Variants in SPMIP4 observed in about 807,000 individuals in gnomAD.
SPMIP4 encodes sperm microtubule inner protein 4.
the SPMIP4 span, chr7:25,142,154 T>C: frequency 3.2e-6 from 3 of 930,206 alleles, no homozygotes; most frequent in African/African-American, 5.0e-5. Context: ...ACTTGGTTGC[T>C]AAAACCCAGG....
At chr7:25,162,069 G>A in the SPMIP4 span, among the ~76,000 whole-genome samples, 4 of 151,528 alleles carry the variant, frequency 2.6e-5, no homozygotes, top group South Asian at 2.1e-4. Context: ...CCAGGAGTTC[G>A]AGACTAGCCT....
the SPMIP4 span, among the ~76,000 whole-genome samples, chr7:25,141,574 G>GAAAA: frequency 5.3e-5 from 5 of 94,932 alleles, no homozygotes; most frequent in East Asian, 3.4e-4. Context: ...CTGTCTCAAG[G>GAAAA]AAAAAAAAAA....
At chr7:25,171,349 T>C in the SPMIP4 span, among the ~76,000 whole-genome samples, 1 of 152,146 alleles carries the variant, frequency 6.6e-6, no homozygotes, top group East Asian at 1.9e-4. Context: ...AATAATACTA[T>C]TGAATAAATG....
At chr7:25,176,625 A>C in the SPMIP4 span, among the ~76,000 whole-genome samples, 4 of 152,374 alleles carry the variant, frequency 2.6e-5, no homozygotes, top group African/African-American at 9.6e-5. The surrounding 1 kb of genome is among the most constrained non-coding windows in gnomAD (Gnocchi z 4.4). Context: ...ACATTTAAAA[A>C]AATTGGAGAG....
chr7:25,130,210 C>G, the SPMIP4 span, among the ~76,000 whole-genome samples: 2 of 151,430 alleles, frequency 1.3e-5, no homozygotes, highest in South Asian at 2.1e-4. Flanking sequence ...CTGCACTGCG[C>G]TCCAACCTGG....
At chr7:25,126,358 A>G in the SPMIP4 span, among the ~76,000 whole-genome samples, 2 of 152,216 alleles carry the variant, frequency 1.3e-5, no homozygotes, top group East Asian at 3.9e-4. Flanking sequence ...TTGTATTTTT[A>G]GTAGAGATGG....
chr7:25,158,265 G>A, the SPMIP4 span, among the ~76,000 whole-genome samples: 3 of 151,294 alleles, frequency 2.0e-5, no homozygotes, highest in African/African-American at 7.3e-5. Flanking sequence ...CTACTTGGGA[G>A]GTGAAGGTGG....
At chr7:25,136,205 A>G in the SPMIP4 span, 5 of 1,614,226 alleles carry the variant, frequency 3.1e-6, no homozygotes, top group Non-Finnish European at 4.2e-6. The surrounding 1 kb of genome is among the most constrained non-coding windows in gnomAD (Gnocchi z 5.7). Flanking sequence ...TCCATATTCA[A>G]GAACAACTCT....
At chr7:25,136,171 A>G in the SPMIP4 span, 1 of 1,614,172 alleles carries the variant, frequency 6.2e-7, no homozygotes, top group Non-Finnish European at 8.5e-7. The surrounding 1 kb of genome is among the most constrained non-coding windows in gnomAD (Gnocchi z 5.7). Flanking sequence ...CCAACCAAGA[A>G]CAGGTCTTGT....
chr7:25,159,756 A>T, the SPMIP4 span, among the ~76,000 whole-genome samples: 1 of 152,228 alleles, frequency 6.6e-6, no homozygotes, highest in Admixed American at 6.5e-5. Context: ...AAACTAAAAA[A>T]AGCATGTTCT....
At chr7:25,125,885 C>G in the SPMIP4 span, 10 of 984,606 alleles carry the variant, frequency 1.0e-5, no homozygotes, top group Admixed American at 6.2e-5. Flanking sequence ...TACTCTGTTA[C>G]TTTCAGTCAC....
At chr7:25,131,918 C>T in the SPMIP4 span, among the ~76,000 whole-genome samples, 3 of 152,162 alleles carry the variant, frequency 2.0e-5, no homozygotes, top group Non-Finnish European at 2.9e-5. The surrounding 1 kb of genome is among the most constrained non-coding windows in gnomAD (Gnocchi z 4.2). Flanking sequence ...CTGCTGGATC[C>T]GGAGGGATGG....
the SPMIP4 span, among the ~76,000 whole-genome samples, chr7:25,174,210 TTCTC>T: frequency 6.6e-6 from 1 of 151,418 alleles, no homozygotes; most frequent in Non-Finnish European, 1.5e-5. The surrounding 1 kb of genome is among the most constrained non-coding windows in gnomAD (Gnocchi z 4.5). Context: ...CCGTCTCCCT[TTCTC>T]TCTCTCCCTC....
chr7:25,159,242 G>A, the SPMIP4 span, among the ~76,000 whole-genome samples: 1 of 152,206 alleles, frequency 6.6e-6, no homozygotes, highest in Non-Finnish European at 1.5e-5. Context: ...TACCATGTAT[G>A]CTTTCTACCT....
At chr7:25,154,912 T>A in the SPMIP4 span, 4 of 1,127,078 alleles carry the variant, frequency 3.5e-6, no homozygotes, top group East Asian at 5.0e-5. Flanking sequence ...AGTCACACAT[T>A]TGTGACTTGA....
At chr7:25,172,941 C>T in the SPMIP4 span, among the ~76,000 whole-genome samples, 1 of 134,368 alleles carries the variant, frequency 7.4e-6, no homozygotes, top group East Asian at 2.2e-4. This position sits in a 1 kb window ranked among gnomAD's most constrained non-coding sequence, Gnocchi z 4.2. Flanking sequence ...ACCCTGAGAA[C>T]AGTAGGATCC....
chr7:25,167,479 T>C, the SPMIP4 span, among the ~76,000 whole-genome samples: 12 of 152,252 alleles, frequency 7.9e-5, no homozygotes, highest in African/African-American at 2.9e-4. Flanking sequence ...TTTATGTTGA[T>C]GTCTGAATCT....
At chr7:25,172,335 G>C in the SPMIP4 span, among the ~76,000 whole-genome samples, 1 of 152,162 alleles carries the variant, frequency 6.6e-6, no homozygotes, top group Non-Finnish European at 1.5e-5. The surrounding 1 kb of genome is among the most constrained non-coding windows in gnomAD (Gnocchi z 4.2). Flanking sequence ...AGTAAGGGAA[G>C]AGGGAGATGA....
At chr7:25,158,054 C>A in the SPMIP4 span, among the ~76,000 whole-genome samples, 1 of 152,152 alleles carries the variant, frequency 6.6e-6, no homozygotes, top group African/African-American at 2.4e-5. Context: ...CTTGTACCAG[C>A]CTTTCCTTCC....
Sources: gnomAD v4.1 joint callset for allele counts (sites outside exome capture counted in the v4.1 genomes callset) on GRCh38, gnomAD v4.1.1 for gene constraint, Gnocchi (gnomAD v3.1) non-coding constraint, MANE v1.5 for transcripts, NCBI Gene and HGNC (gene_info 2026-07-23, HGNC 2026-07-21) for gene names.